UNC5D: variants seen among roughly 807,000 people sequenced by gnomAD.
UNC5D encodes the protein netrin receptor UNC5D.
UNC5D carries 39 observed loss-of-function variants against 105.4 expected under a neutral mutation model. The ratio of observed to expected loss-of-function variants is 0.37; its 90% CI spans 0.29 to 0.48. The LOEUF is 0.48. Among genes scored for constraint, UNC5D ranks in the 20% least tolerant of loss-of-function variants. The probability of loss-of-function intolerance (pLI) is 0.98; values close to 1 mark genes in which losing one functional copy is unlikely to be tolerated. For synonymous variants in UNC5D, 452 were observed against 450.4 expected, an observed-to-expected ratio of 1.00 and a Z score of -0.04; for missense variants, 991 against 1,202.4, an observed-to-expected ratio of 0.82 and a Z score of 2.60.
intron 4 of UNC5D, among the ~76,000 whole-genome samples, chr8:35,677,952 A>G (rs111537090): frequency 2.0e-5 from 3 of 150,978 alleles, no homozygotes; most frequent in Non-Finnish European, 4.4e-5. Context: ...GTGTATGTGT[A>G]TATATATATA....
chr8:35,578,341 G>A (rs1379711730), intron 3 of UNC5D, among the ~76,000 whole-genome samples: 1 of 150,794 alleles, frequency 6.6e-6, no homozygotes, highest in Non-Finnish European at 1.5e-5. Context: ...CCATAGGAAG[G>A]CATTACACAT....
In UNC5D at chr8:35,704,102, A is replaced by G. The variant is rs116980854; in HGVS notation, c.1085-1827A>G. The stretch of plus-strand genomic sequence containing the variant: ...TGACTATGATCATATCAACATCAAC[A>G]AATTATTATCTTTTATAAGGATTTT... On this transcript the variant is annotated intron_variant, in intron 7 of 16. Transcript: ENST00000404895. 4.7e-4 allele frequency among the ~76,000 whole-genome samples: 71 copies of G among 152,326 alleles called. 1 individual carries two copies. In the East Asian group the frequency reaches 0.013, roughly 27 times the overall value.
chr8:35,621,671 G>A (rs910013595), intron 4 of UNC5D, among the ~76,000 whole-genome samples: 5 of 152,124 alleles, frequency 3.3e-5, no homozygotes, highest in African/African-American at 1.2e-4. Context: ...GCAGAGCTTT[G>A]AACTGGTAGG....
intron 4 of UNC5D, among the ~76,000 whole-genome samples, chr8:35,678,711 T>C (rs1825446402): frequency 6.6e-6 from 1 of 152,198 alleles, no homozygotes; most frequent in Admixed American, 6.5e-5. Context: ...ATTTAATGTC[T>C]ACACAATACT....
At chr8:35,766,827 C>CAT in intron 14 of UNC5D, 75 bp from the exon 15 acceptor site, 1 of 1,479,408 alleles carries the variant, frequency 6.8e-7, no homozygotes, top group South Asian at 1.4e-5. Flanking sequence ...ATCATCATCA[C>CAT]TATTAAGTCT....
chr8:35,628,443 CT>C (rs1821829470), intron 4 of UNC5D, among the ~76,000 whole-genome samples: 1 of 152,072 alleles, frequency 6.6e-6, no homozygotes, highest in Non-Finnish European at 1.5e-5. Context: ...CCAGAAAGCC[CT>C]TTTTAATGTT....
At chr8:35,582,910 G>T (rs1818549886) in intron 3 of UNC5D, among the ~76,000 whole-genome samples, 1 of 152,166 alleles carries the variant, frequency 6.6e-6, no homozygotes, top group South Asian at 2.1e-4. Context: ...CCACATCCAG[G>T]TGGTTTTTAA....
At chr8:35,355,827 A>T (rs1339646682) in intron 1 of UNC5D, among the ~76,000 whole-genome samples, 1 of 152,028 alleles carries the variant, frequency 6.6e-6, no homozygotes, top group Non-Finnish European at 1.5e-5. Flanking sequence ...TTGCTCTACC[A>T]TCCCTTCCAC....
chr8:35,604,450 G>A (rs1309124620), intron 4 of UNC5D, among the ~76,000 whole-genome samples: 2 of 152,146 alleles, frequency 1.3e-5, no homozygotes, highest in Non-Finnish European at 2.9e-5. Context: ...AGGGTAACCC[G>A]ACCTTTCTCT....
rs56788274 is a variant in UNC5D at position 35,555,875 on chromosome 8, GCACACACACACACACACACACACA to G, written c.322+6392_322+6415del. 3.0e-3 allele frequency among the ~76,000 whole-genome samples: 398 copies of G among 134,236 alleles called. 1 individual carries two copies. Among genetic ancestry groups the G allele is most frequent in the South Asian group, 0.012 (46 of 3,866 alleles). 88.1% of individuals were successfully genotyped at this position (134,236 alleles called of 152,430 possible). On this transcript the variant is annotated intron_variant, in intron 2 of 16. Coordinates refer to ENST00000404895, the MANE Select transcript of UNC5D (RefSeq NM_080872.4). ...AATTATAAAGATCTATAAAAAAACAGCACACACACACACACACACACACACACACACACACACACACACACACAC... is the reference window on the plus strand; with the variant it reads ...AATTATAAAGATCTATAAAAAAACAGCACACACACACACACACACACACAC...
intron 3 of UNC5D, among the ~76,000 whole-genome samples, chr8:35,594,842 C>T (rs57413160): frequency 0.026 from 3,987 of 152,246 alleles, 78 homozygotes; most frequent in Middle Eastern, 0.054. Flanking sequence ...CACTGGCAAG[C>T]GAATTAACCT....
At position 35,600,137 on chromosome 8, in the gene UNC5D, A is replaced by C. The variant is rs181751466; in HGVS notation, c.570+4480A>C. ...TCCCTACAAAGGACATGAACTCATCATTTTTTATGGCTGCATAGTATTCCA... is the reference window on the plus strand; with the variant it reads ...TCCCTACAAAGGACATGAACTCATCCTTTTTTATGGCTGCATAGTATTCCA... On this transcript the variant is annotated intron_variant, in intron 4 of 16. Coordinates refer to ENST00000404895, the MANE Select transcript of UNC5D (RefSeq NM_080872.4). Among the ~76,000 whole-genome samples the C allele has an allele frequency of 4.3e-4, 65 of 152,144 alleles. 1 individual carries two copies. The highest frequency in any genetic ancestry group is 1.3e-3 in the African/African-American group (56 of 41,508).
chr8:35,471,047 A>G (rs566996079), intron 1 of UNC5D, among the ~76,000 whole-genome samples: 18 of 152,236 alleles, frequency 1.2e-4, no homozygotes, highest in South Asian at 1.0e-3. Flanking sequence ...CTCAGCACTC[A>G]AACCTGACTT....
At position 35,576,827 on chromosome 8, in the gene UNC5D, A is replaced by G. The variant is rs559014458; in HGVS notation, c.466+8586A>G. Among the ~76,000 whole-genome samples the G allele has an allele frequency of 7.3e-4, 111 of 152,160 alleles. 2 individuals are homozygous for G. The South Asian group carries it at 0.022, about 30-fold the overall frequency. On this transcript the variant is annotated intron_variant, in intron 3 of 16. Transcript: ENST00000404895. ...ATGGGGTTTCACTATGTTATCCAGG[A>G]TGGTCTCGATCTCCTGACCTCGTGA...
At chr8:35,576,243 G>A (rs976682503) in intron 3 of UNC5D, among the ~76,000 whole-genome samples, 1 of 152,186 alleles carries the variant, frequency 6.6e-6, no homozygotes, top group Non-Finnish European at 1.5e-5. Context: ...CATGAAGTTG[G>A]CTCTGGTGTC....
intron 16 of UNC5D, among the ~76,000 whole-genome samples, chr8:35,787,367 C>G (rs1013498503): frequency 1.3e-5 from 2 of 152,096 alleles, no homozygotes; most frequent in African/African-American, 4.8e-5. Flanking sequence ...TTTACCCATG[C>G]TAGAAACAAA....
chr8:35,742,314 G>A, intron 11 of UNC5D, among the ~76,000 whole-genome samples: 1 of 151,790 alleles, frequency 6.6e-6, no homozygotes. Flanking sequence ...TTTATCCACA[G>A]CAATTTTAGT....
intron 1 of UNC5D, among the ~76,000 whole-genome samples, chr8:35,534,273 A>G (rs1048854709): frequency 9.2e-5 from 14 of 152,110 alleles, no homozygotes; most frequent in Admixed American, 8.5e-4. Context: ...TTTCTCTGAC[A>G]CTGTTGTGCC....
chr8:35,366,229 T>A (rs1243390095), intron 1 of UNC5D, among the ~76,000 whole-genome samples: 1 of 152,048 alleles, frequency 6.6e-6, no homozygotes, highest in Non-Finnish European at 1.5e-5. Context: ...GCACATAGAT[T>A]CCTATTTTTT....
Sources: gnomAD v4.1 joint callset for allele counts (sites outside exome capture counted in the v4.1 genomes callset) on GRCh38, gnomAD v4.1.1 for gene constraint, MANE v1.5 for transcripts, NCBI Gene and HGNC (gene_info 2026-07-23, HGNC 2026-07-21) for gene names.